Variants in ZRANB3 observed in about 807,000 individuals in gnomAD.
The protein encoded by ZRANB3 is DNA annealing helicase and endonuclease ZRANB3.
Under a neutral mutation model 133.8 loss-of-function variants are expected in ZRANB3, and 125 were observed. The observed-to-expected ratio is 0.93, with a 90% CI of 0.81 to 1.08. The LOEUF is 1.08. Among genes scored for constraint, ZRANB3 ranks in the 50% least tolerant of loss-of-function variants. The probability of loss-of-function intolerance (pLI) is 0.00; values close to 1 mark genes in which losing one functional copy is unlikely to be tolerated. For missense variants in ZRANB3, 1,229 were observed against 1,275.5 expected, an observed-to-expected ratio of 0.96 and a Z score of 0.56; for synonymous variants, 387 against 432.7, an observed-to-expected ratio of 0.89 and a Z score of 1.31.
chr2:135,386,291 G>A lies in ZRANB3; in HGVS notation c.180+4511C>T, dbSNP rs565469600. On this transcript the variant is annotated intron_variant, in intron 3 of 20. Coordinates refer to ENST00000264159, the MANE Select transcript of ZRANB3 (RefSeq NM_032143.4). ...GATATGCAAATCAAAACCATAATGA[G>A]ATACCATCTCACGCCAGTTAGAATG... Among the ~76,000 whole-genome samples, 4 of 152,260 alleles carry A rather than the reference G, an allele frequency of 2.6e-5. No individual in the cohort carries two copies. In the East Asian group the frequency reaches 7.7e-4, roughly 29 times the overall value.
At chr2:135,307,231 A>G (rs1434343439) in intron 8 of ZRANB3, among the ~76,000 whole-genome samples, 2 of 151,914 alleles carry the variant, frequency 1.3e-5, no homozygotes, top group African/African-American at 4.8e-5. Context: ...ACACTGAGCT[A>G]ATTTTTGCAT....
intron 2 of ZRANB3, among the ~76,000 whole-genome samples, chr2:135,500,888 TAA>T (rs780413373): frequency 1.2e-3 from 184 of 151,034 alleles, no homozygotes; most frequent in African/African-American, 3.4e-3. Flanking sequence ...AGAGAAAATA[TAA>T]GAGACATTAA....
intron 8 of ZRANB3, among the ~76,000 whole-genome samples, chr2:135,310,961 C>CA (rs200752512): frequency 0.08 from 9,225 of 114,830 alleles, 535 homozygotes; most frequent in African/African-American, 0.2. Flanking sequence ...ACTCAAAATA[C>CA]AAAAAAAAAA....
intron 6 of ZRANB3, among the ~76,000 whole-genome samples, chr2:135,326,314 T>C (rs140383648): frequency 2.0e-5 from 3 of 152,268 alleles, no homozygotes; most frequent in East Asian, 3.9e-4. Context: ...ATAAGTTCTT[T>C]AGTGGTGATT....
intron 6 of ZRANB3, among the ~76,000 whole-genome samples, chr2:135,340,577 G>T (rs1684604312): frequency 6.6e-6 from 1 of 152,080 alleles, no homozygotes; most frequent in African/African-American, 2.4e-5. Flanking sequence ...CGGGTGAGGT[G>T]GCTCACACCT....
At chr2:135,230,176 T>C (rs1694932272) in intron 13 of ZRANB3, among the ~76,000 whole-genome samples, 1 of 152,204 alleles carries the variant, frequency 6.6e-6, no homozygotes, top group Non-Finnish European at 1.5e-5. Context: ...ATAGAAGGTC[T>C]ATGAGTATAA....
intron 2 of ZRANB3, among the ~76,000 whole-genome samples, chr2:135,498,070 A>T (rs1692762895): frequency 7.6e-6 from 1 of 131,340 alleles, no homozygotes; most frequent in Non-Finnish European, 1.5e-5. Flanking sequence ...ATAAATAATA[A>T]ATAAATAAAT....
chr2:135,513,836 T>C lies in ZRANB3; in HGVS notation c.-7-9340A>G, dbSNP rs535901394. ...AGGAAGGGGTCCTGTTTCAGTTTTC[T>C]GCATATGGCTAGCCAGTTTTCCCAA... On this transcript the variant is annotated intron_variant, in intron 1 of 20. Transcript: ENST00000264159. Among the ~76,000 whole-genome samples, 133 of 152,340 alleles carry C rather than the reference T, an allele frequency of 8.7e-4. 1 individual carries two copies. The highest frequency in any genetic ancestry group is 6.8e-3 in the Middle Eastern group (2 of 294).
Position 135,369,590 on chromosome 2 carries a change from G to A in ZRANB3, c.181-15962C>T, listed in dbSNP as rs532882322. Among the ~76,000 whole-genome samples the A allele has an allele frequency of 5.3e-5, 8 of 152,154 alleles. No individual in the cohort carries two copies. The East Asian group carries it at 1.3e-3, about 26-fold the overall frequency. Reference sequence around the variant, plus strand: ...TCAATCTTACACTTGTTTTTTTAAAGCAATGCAAGTTTTTTACAAATAAAA... The same window carrying A: ...TCAATCTTACACTTGTTTTTTTAAAACAATGCAAGTTTTTTACAAATAAAA... On this transcript the variant is annotated intron_variant, in intron 3 of 20. Coordinates refer to ENST00000264159, the MANE Select transcript of ZRANB3 (RefSeq NM_032143.4).
At chr2:135,439,227 T>C (rs1689676961) in intron 2 of ZRANB3, among the ~76,000 whole-genome samples, 1 of 152,210 alleles carries the variant, frequency 6.6e-6, no homozygotes, top group South Asian at 2.1e-4. Flanking sequence ...TAGAATACTT[T>C]GCCTATGCAC....
chr2:135,253,316 C>T (rs1679493778), intron 12 of ZRANB3, among the ~76,000 whole-genome samples: 1 of 152,084 alleles, frequency 6.6e-6, no homozygotes, highest in Admixed American at 6.5e-5. Context: ...AGTAACTCAC[C>T]TACCTTGAAC....
At chr2:135,470,274 A>G (rs1691197882) in intron 2 of ZRANB3, among the ~76,000 whole-genome samples, 2 of 151,968 alleles carry the variant, frequency 1.3e-5, no homozygotes, top group African/African-American at 4.8e-5. Flanking sequence ...CAGTGAGCCG[A>G]GATTGAGCCA....
At chr2:135,351,107 T>C (rs1001903403) in intron 4 of ZRANB3, among the ~76,000 whole-genome samples, 1 of 152,032 alleles carries the variant, frequency 6.6e-6, no homozygotes, top group Non-Finnish European at 1.5e-5. Context: ...CACTTTTGCA[T>C]TTTCTATATC....
intron 1 of ZRANB3, 28 bp from the exon 2 acceptor site, chr2:135,504,524 G>A (rs1339159398): frequency 4.4e-6 from 7 of 1,587,526 alleles, no homozygotes; most frequent in South Asian, 3.5e-5. Context: ...ACAAAAAAGG[G>A]AGGGGTATAA....
chr2:135,413,979 G>C (rs569449624), intron 2 of ZRANB3, among the ~76,000 whole-genome samples: 2 of 151,926 alleles, frequency 1.3e-5, no homozygotes, highest in East Asian at 1.9e-4. Flanking sequence ...AAAGGAACGA[G>C]TACCAACCGT....
At chr2:135,408,365 A>G (rs577771422) in intron 2 of ZRANB3, among the ~76,000 whole-genome samples, 54 of 152,308 alleles carry the variant, frequency 3.5e-4, no homozygotes, top group African/African-American at 1.2e-3. Flanking sequence ...GAACACTTTT[A>G]CACTGTTGGT....
At chr2:135,369,576 CTT>C (rs1261245862) in intron 3 of ZRANB3, among the ~76,000 whole-genome samples, 1 of 151,808 alleles carries the variant, frequency 6.6e-6, no homozygotes, top group Non-Finnish European at 1.5e-5. Flanking sequence ...CAATCTTACA[CTT>C]GTTTTTTTAA....
chr2:135,296,495 A>C (rs954545299), intron 8 of ZRANB3, among the ~76,000 whole-genome samples: 1 of 151,730 alleles, frequency 6.6e-6, no homozygotes, highest in African/African-American at 2.4e-5. Context: ...TTTTTTTTCA[A>C]GGTTTTTAAC....
At chr2:135,314,011 T>A (rs924248529) in intron 7 of ZRANB3, among the ~76,000 whole-genome samples, 68 of 152,252 alleles carry the variant, frequency 4.5e-4, no homozygotes, top group African/African-American at 1.6e-3. Flanking sequence ...ATTACAGGCA[T>A]GCGCCACCAC....
Sources: allele counts gnomAD v4.1 joint callset (sites outside exome capture counted in the v4.1 genomes callset), GRCh38; gene constraint gnomAD v4.1.1; transcripts MANE v1.5; gene names NCBI Gene and HGNC (gene_info 2026-07-23, HGNC 2026-07-21).